Variants in TBC1D26 observed in about 807,000 individuals in gnomAD.
TBC1D26 encodes the protein TBC1 domain family member 26, also known as TBC1 domain family, member 26.
In TBC1D26, 19 loss-of-function variants were observed where a neutral mutation model predicts 42.5. That is an observed-to-expected ratio of 0.45 (90% CI 0.31 to 0.66). The LOEUF (loss-of-function observed/expected upper bound fraction) is 0.66. TBC1D26 is among the 30% of genes least tolerant of loss of function. The pLI, the probability that TBC1D26 is intolerant of heterozygous loss-of-function variation, is 0.06. For synonymous variants in TBC1D26, 97 were observed against 123.5 expected, an observed-to-expected ratio of 0.79 and a Z score of 1.42; for missense variants, 228 against 332.6, an observed-to-expected ratio of 0.69 and a Z score of 2.45.
In TBC1D26 at chr17:15,744,740, G is replaced by C. The variant is rs1454841959; in HGVS notation, c.*148G>C. The stretch of plus-strand genomic sequence containing the variant: ...CAGCTCCTGAAAATGAGAGGGAAAA[G>C]GAAGGTGTAAATATGTTGGTAATAA... On this transcript the variant is annotated 3_prime_UTR_variant, in exon 15 of 15. Coordinates refer to ENST00000437605, the MANE Select transcript of TBC1D26 (RefSeq NM_001388465.1). The C allele has an allele frequency of 2.6e-5, 4 of 152,300 alleles. No homozygotes were observed. Among genetic ancestry groups the C allele is most frequent in the Admixed American group, 6.5e-5 (1 of 15,304 alleles). 9.4% of individuals were successfully genotyped at this position (152,300 alleles called of 1,614,324 possible). A position where few individuals can be genotyped will look rare whatever the true frequency, so the allele number is the denominator to read the frequency against.
intron 9 of TBC1D26, 72 bp from the exon 10 acceptor site, chr17:15,741,050 T>G: frequency 2.5e-6 from 4 of 1,589,036 alleles, no homozygotes; most frequent in Non-Finnish European, 2.6e-6. Flanking sequence ...CCACCTCTGG[T>G]GACATAAGTC....
intron 1 of TBC1D26, chr17:15,734,077 G>A (rs1409302253): frequency 6.6e-6 from 1 of 152,184 alleles, no homozygotes; most frequent in Admixed American, 6.5e-5. Context: ...CCCAAATGTA[G>A]CCATTCCACA....
At chr17:15,739,970 G>C in intron 8 of TBC1D26, 130 bp from the exon 9 acceptor site, 5 of 1,149,124 alleles carry the variant, frequency 4.4e-6, no homozygotes, top group Non-Finnish European at 6.2e-6. Context: ...GTGTCCTAAA[G>C]AGCTCACTGC....
rs1231211094 is a variant in TBC1D26, at chr17:15,742,022, A to T, written c.727A>T (p.Ile243Phe). 6.2e-7 allele frequency: 1 copy of T among 1,613,886 alleles called. No individual in the cohort carries two copies. Among genetic ancestry groups the T allele is most frequent in the Admixed American group, 1.7e-5 (1 of 59,998 alleles). Residue 243 changes from isoleucine to phenylalanine, a missense_variant, in exon 11 of 15, where the codon ATC becomes TTC. Transcript: ENST00000437605. Reference protein sequence around the residue: ...EQVLHKSFPKIMRHLGKEGLC... With the variant: ...EQVLHKSFPKFMRHLGKEGLC... ...GGTGCTGCACAAGTCCTTCCCAAAGATCATGAGACACCTGGTGAGTGGATG... is the reference window on the plus strand; with the variant it reads ...GGTGCTGCACAAGTCCTTCCCAAAGTTCATGAGACACCTGGTGAGTGGATG...
At position 15,744,685 on chromosome 17, in the gene TBC1D26, G is replaced by A. The variant is rs200656446; in HGVS notation, c.*93G>A. ...TATTATAACATAGGAAAGACTGCAA[G>A]TTATTACGGGAGGAGGAGGAGGCCT... On this transcript the variant is annotated 3_prime_UTR_variant, in exon 15 of 15. Coordinates refer to ENST00000437605, the MANE Select transcript of TBC1D26 (RefSeq NM_001388465.1). The A allele has an allele frequency of 6.6e-6, 1 of 152,198 alleles. No homozygotes were observed. The highest frequency in any genetic ancestry group is 6.5e-5 in the Admixed American group (1 of 15,278). The allele number at this position is 152,198 out of a possible 1,614,324, so 9.4% of individuals were successfully genotyped here.
intron 10 of TBC1D26, 189 bp downstream of exon 10, chr17:15,741,410 C>A: frequency 1.0e-6 from 1 of 968,710 alleles, no homozygotes; most frequent in South Asian, 1.7e-5. Flanking sequence ...GGACAGGAAC[C>A]CCCTCACCTC....
chr17:15,743,235 G>A (rs1365228664), intron 13 of TBC1D26, 132 bp from the exon 14 acceptor site: 5 of 233,854 alleles, frequency 2.1e-5, no homozygotes, highest in Non-Finnish European at 2.8e-5. Flanking sequence ...AGCCTCCTGT[G>A]CACAGCTGAA....
At chr17:15,740,756 G>T (rs992274998) in intron 9 of TBC1D26, 1 of 1,030,986 alleles carries the variant, frequency 9.7e-7, no homozygotes, top group African/African-American at 1.7e-5. Context: ...GGTGGTCAGC[G>T]CCCCGCTGCC....
At chr17:15,741,919 G>C (rs766546411) in intron 10 of TBC1D26, 23 bp from the exon 11 acceptor site, 1 of 1,612,386 alleles carries the variant, frequency 6.2e-7, no homozygotes, top group South Asian at 1.1e-5. Context: ...GTCTGATGGG[G>C]TGATGGGTCG....
At chr17:15,740,878 G>T in intron 9 of TBC1D26, 1 of 643,420 alleles carries the variant, frequency 1.6e-6, no homozygotes, top group Admixed American at 3.2e-5. Context: ...GCCCTTTCGG[G>T]CCATGTGAGC....
chr17:15,733,495 G>GC (rs1248562524), intron 1 of TBC1D26, among the ~76,000 whole-genome samples: 4 of 152,194 alleles, frequency 2.6e-5, no homozygotes, highest in Non-Finnish European at 4.4e-5. Flanking sequence ...CTTCAGGACT[G>GC]CCCCGTGTGG....
At position 15,743,414 on chromosome 17, in the gene TBC1D26, C is replaced by T. The variant is rs148217303; in HGVS notation, c.955C>T (p.Arg319Ter). ...GAGCACTGTCTGGGAGTTTCAGGAG[C>T]GACTCTCTCAGAGCTGGGCCCTGGA... ...SWSTVWEFQE[R>*]LSQSWALEDN... The change falls in exon 14 of 15, where the codon CGA becomes TGA. Residue 319 changes from arginine to a stop codon, truncating the protein, a stop_gained. Coordinates refer to ENST00000437605, the MANE Select transcript of TBC1D26 (RefSeq NM_001388465.1). LOFTEE classifies it high-confidence loss of function. The T allele has an allele frequency of 5.9e-5, 58 of 986,404 alleles. No homozygotes were observed. In the African/African-American group the frequency reaches 8.0e-4, roughly 14 times the overall value. The allele number at this position is 986,404 out of a possible 1,614,324, so 61.1% of individuals were successfully genotyped here. A position where few individuals can be genotyped will look rare whatever the true frequency, so the allele number is the denominator to read the frequency against.
Position 15,740,096 on chromosome 17 carries a change from C to G in TBC1D26, c.498-4C>G. On this transcript the variant is annotated splice_region_variant and splice_polypyrimidine_tract_variant and intron_variant, in intron 8 of 14. Transcript: ENST00000437605. Reference sequence around the variant, plus strand: ...AAAAAAACCCTCTTTCCCCTCTTTTCTAGGCAGCAGGAATTATGTGACATC... The same window carrying G: ...AAAAAAACCCTCTTTCCCCTCTTTTGTAGGCAGCAGGAATTATGTGACATC... The G allele has an allele frequency of 6.2e-7, 1 of 1,610,450 alleles. No homozygotes were observed. The highest frequency in any genetic ancestry group is 1.1e-5 in the South Asian group (1 of 89,942).
chr17:15,744,453 G>A lies in TBC1D26; in HGVS notation c.1268G>A (p.Cys423Tyr), dbSNP rs780543079. 2 of 152,228 alleles carry A rather than the reference G, an allele frequency of 1.3e-5. No homozygotes were observed. The highest frequency in any genetic ancestry group is 2.4e-5 in the African/African-American group (1 of 41,458). The allele number at this position is 152,228 out of a possible 1,614,324, so 9.4% of individuals were successfully genotyped here. The change falls in exon 15 of 15, where the codon TGT becomes TAT. Residue 423 changes from cysteine (C) to tyrosine (Y), a missense_variant. Around this residue, in one of 5 missense-constraint regions of TBC1D26, gnomAD observed 130 missense variants for 168.5 expected, o/e 0.77. Transcript: ENST00000437605. ...AADQSQKEMK[C>Y]ECMAFLTPRQ... The stretch of plus-strand genomic sequence containing the variant: ...GACCAGTCACAAAAAGAGATGAAAT[G>A]TGAGTGCATGGCCTTCCTGACACCC...
Position 15,737,969 on chromosome 17 carries a change from G to A in TBC1D26, c.199-28G>A, listed in dbSNP as rs765047392. On this transcript the variant is annotated intron_variant, in intron 5 of 14. Transcript: ENST00000437605. ...CCACTGTCAGACGCCTGGCAGCTCC[G>A]CTAACTCCATCATGGCTCATTTGAC... 1.7e-5 allele frequency: 28 copies of A among 1,613,920 alleles called. 1 individual carries two copies. Among genetic ancestry groups the A allele is most frequent in the Admixed American group, 1.0e-4 (6 of 60,016 alleles).
chr17:15,742,291 G>C, intron 11 of TBC1D26, 123 bp from the exon 12 acceptor site: 1 of 522,432 alleles, frequency 1.9e-6, no homozygotes, highest in South Asian at 2.1e-5. Flanking sequence ...GCATGGGGCA[G>C]GTGTTGGAGC....
At chr17:15,732,920 C>T (rs150174099) in intron 1 of TBC1D26, among the ~76,000 whole-genome samples, 6,459 of 151,176 alleles carry the variant, frequency 0.043, 392 homozygotes, top group East Asian at 0.23. Context: ...GGGAGCCCTC[C>T]GCCTGTGGGC....
At chr17:15,737,697 C>T in intron 5 of TBC1D26, 174 bp downstream of exon 5, 1 of 1,053,012 alleles carries the variant, frequency 9.5e-7, no homozygotes, top group Non-Finnish European at 1.4e-6. Flanking sequence ...TGACCAAAAC[C>T]CAAACCAAGA....
At position 15,741,971 on chromosome 17, in the gene TBC1D26, G is replaced by C; in HGVS notation, c.676G>C (p.Glu226Gln). 6 of 1,614,074 alleles carry C rather than the reference G, an allele frequency of 3.7e-6. No homozygotes were observed. The highest frequency in any genetic ancestry group is 2.7e-5 in the African/African-American group (2 of 75,024). The change falls in exon 11 of 15, where the codon GAG becomes CAG. Residue 226 changes from glutamate to glutamine, a missense_variant. Physicochemically the swap from Glu to Gln is conservative, Grantham distance 29. Coordinates refer to ENST00000437605, the MANE Select transcript of TBC1D26 (RefSeq NM_001388465.1). ...VFYSPNTAWL[E>Q]RLLSHQEQVL... The stretch of plus-strand genomic sequence containing the variant: ...CTACAGCCCAAATACTGCCTGGCTC[G>C]AGAGGCTCCTATCGCACCAGGAGCA...
Sources: allele counts gnomAD v4.1 joint callset (sites outside exome capture counted in the v4.1 genomes callset), GRCh38; gene constraint gnomAD v4.1.1; regional missense constraint gnomAD v4.1.1; transcripts MANE v1.5; gene names NCBI Gene and HGNC (gene_info 2026-07-23, HGNC 2026-07-21).